The following CDH4 variants were observed in gnomAD, a reference collection of about 807,000 sequenced individuals.
The protein encoded by CDH4 is cadherin-4.
In CDH4, 33 loss-of-function variants were observed where a neutral mutation model predicts 86.0. The observed-to-expected ratio is 0.38, with a 90% confidence interval of 0.29 to 0.51. The LOEUF is 0.51. Ranked by LOEUF, CDH4 falls within the 20% of genes least tolerant of loss-of-function variation. The pLI, the probability that CDH4 is intolerant of heterozygous loss-of-function variation, is 0.86. For missense variants in CDH4, 1,114 were observed against 1,307.4 expected (o/e 0.85, Z 2.28); for synonymous variants, 555 against 549.4 (o/e 1.01, Z -0.14).
intron 3 of CDH4, among the ~76,000 whole-genome samples, chr20:61,764,120 C>T (rs1007548190): frequency 3.3e-5 from 5 of 152,152 alleles, no homozygotes; most frequent in Non-Finnish European, 7.4e-5. Flanking sequence ...AAGACCCAGG[C>T]GGGGAGCAGG....
At chr20:61,580,775 G>A (rs1361135841) in intron 2 of CDH4, among the ~76,000 whole-genome samples, 1 of 152,278 alleles carries the variant, frequency 6.6e-6, no homozygotes, top group East Asian at 1.9e-4. Context: ...ATTAGCAATG[G>A]GTGGCGCCTA....
At chr20:61,410,698 T>G (rs1189885042) in intron 2 of CDH4, among the ~76,000 whole-genome samples, 1 of 151,864 alleles carries the variant, frequency 6.6e-6, no homozygotes, top group Non-Finnish European at 1.5e-5. Context: ...CATCTGTTTA[T>G]CCAGTCATCC....
chr20:61,854,478 G>A (rs11906282), intron 6 of CDH4, among the ~76,000 whole-genome samples: 6,633 of 146,302 alleles, frequency 0.045, 407 homozygotes, highest in African/African-American at 0.17. Context: ...CAGGGCTGCA[G>A]TGTGAACAGG....
chr20:61,937,060 G>A lies in CDH4; in HGVS notation c.*117G>A. On this transcript the variant is annotated 3_prime_UTR_variant, in exon 16 of 16. Coordinates refer to ENST00000614565, the MANE Select transcript of CDH4 (RefSeq NM_001794.5). ...GCGGCTGTGTCCTTAGTGCTGTTAG[G>A]AGGCCCCCCAATCCCCACGTTGAGC... 1 of 822,056 alleles carries A rather than the reference G, an allele frequency of 1.2e-6. No homozygotes were observed. Among genetic ancestry groups the A allele is most frequent in the Non-Finnish European group, 1.8e-6 (1 of 562,344 alleles). The allele number at this position is 822,056 out of a possible 1,614,324, so 50.9% of individuals were successfully genotyped here. A position where few individuals can be genotyped will look rare whatever the true frequency, so the allele number is the denominator to read the frequency against.
chr20:61,580,018 G>A (rs528898894), intron 2 of CDH4, among the ~76,000 whole-genome samples: 1 of 152,052 alleles, frequency 6.6e-6, no homozygotes, highest in East Asian at 1.9e-4. Context: ...CCAGTCACAT[G>A]TTTATCAGCT....
intron 2 of CDH4, among the ~76,000 whole-genome samples, chr20:61,317,666 C>T (rs544082567): frequency 1.3e-5 from 2 of 152,250 alleles, no homozygotes; most frequent in South Asian, 4.1e-4. Flanking sequence ...CTGGTAGCAC[C>T]CCTCCCCTAG....
chr20:61,562,681 T>C (rs1416495925), intron 2 of CDH4, among the ~76,000 whole-genome samples: 1 of 152,254 alleles, frequency 6.6e-6, no homozygotes, highest in Non-Finnish European at 1.5e-5. Flanking sequence ...AACAGAGCAA[T>C]ACAGGAGTCT....
intron 2 of CDH4, among the ~76,000 whole-genome samples, chr20:61,317,733 C>T (rs188622621): frequency 5.3e-5 from 8 of 151,986 alleles, no homozygotes; most frequent in Admixed American, 3.9e-4. Context: ...GAGCAGGGAC[C>T]CCCTTTCCAC....
chr20:61,502,275 C>G (rs994377047), intron 2 of CDH4, among the ~76,000 whole-genome samples: 4 of 152,182 alleles, frequency 2.6e-5, no homozygotes, highest in African/African-American at 9.7e-5. Flanking sequence ...CTGTAAGGTG[C>G]TTTTCCCATC....
intron 4 of CDH4, among the ~76,000 whole-genome samples, chr20:61,777,641 T>TGCGC (rs2088857367): frequency 3.9e-5 from 4 of 103,362 alleles, no homozygotes; most frequent in African/African-American, 9.8e-5. Flanking sequence ...AACACACGTC[T>TGCGC]ACACACGCAC....
At chr20:61,464,749 C>G (rs1316414482) in intron 2 of CDH4, among the ~76,000 whole-genome samples, 2 of 152,130 alleles carry the variant, frequency 1.3e-5, no homozygotes, top group African/African-American at 4.8e-5. Flanking sequence ...CTAGCAGAGC[C>G]CAGGTCCCCT....
intron 2 of CDH4, among the ~76,000 whole-genome samples, chr20:61,524,507 C>T (rs950416914): frequency 3.4e-5 from 5 of 149,242 alleles, no homozygotes; most frequent in African/African-American, 1.2e-4. Flanking sequence ...TTTTTTAAGA[C>T]AGAGTCTCAC....
At chr20:61,835,498 G>A (rs150303891) in intron 4 of CDH4, among the ~76,000 whole-genome samples, 89 of 152,278 alleles carry the variant, frequency 5.8e-4, no homozygotes, top group African/African-American at 2.0e-3. Flanking sequence ...TCATGAGGTC[G>A]GCTTCTTTGC....
chr20:61,390,313 C>A (rs2084975739), intron 2 of CDH4, among the ~76,000 whole-genome samples: 1 of 143,912 alleles, frequency 6.9e-6, no homozygotes, highest in African/African-American at 2.7e-5. Context: ...TGAGATCGTG[C>A]AGTCATAGGG....
rs1415848604 is a variant in CDH4, at chr20:61,417,756, G to T, written c.169+162819G>T. On this transcript the variant is annotated intron_variant, in intron 2 of 15. Transcript: ENST00000614565. The surrounding 1 kb of genome is among the most constrained non-coding windows in gnomAD (Gnocchi z 4.0). The stretch of plus-strand genomic sequence containing the variant: ...GGCGGGAAGTGGGCACAGGAGCCTT[G>T]ACCTGACAAGGTCCTCGAGGCCAGG... Among the ~76,000 whole-genome samples, 3 of 152,126 alleles carry T rather than the reference G, an allele frequency of 2.0e-5. No individual in the cohort carries two copies. The highest frequency in any genetic ancestry group is 4.4e-5 in the Non-Finnish European group (3 of 68,034).
At chr20:61,838,547 C>T (rs1157789581) in intron 4 of CDH4, among the ~76,000 whole-genome samples, 2 of 152,094 alleles carry the variant, frequency 1.3e-5, no homozygotes, top group African/African-American at 2.4e-5. Context: ...CACGGTGGCT[C>T]ACACCTGTAA....
intron 2 of CDH4, among the ~76,000 whole-genome samples, chr20:61,498,956 G>A (rs2085681137): frequency 3.9e-5 from 6 of 152,172 alleles, no homozygotes; most frequent in Admixed American, 3.9e-4. Flanking sequence ...CTCGGAATGA[G>A]TCTCCTTCCA....
Position 61,282,541 on chromosome 20 carries a change from GTGTGCA to G in CDH4, c.169+27609_169+27614del, listed in dbSNP as rs1173903687. On this transcript the variant is annotated intron_variant, in intron 2 of 15. Transcript: ENST00000614565. ...CCACTTTTAATCTTTGGCATGGTGTGTGTGCATGTGTGTGTGTGTGTGTGTGTGTGT... is the reference window on the plus strand; with the variant it reads ...CCACTTTTAATCTTTGGCATGGTGTGTGTGTGTGTGTGTGTGTGTGTGTGT... 8.6e-3 allele frequency among the ~76,000 whole-genome samples: 461 copies of G among 53,448 alleles called. 8 individuals carry two copies. In the South Asian group the frequency reaches 0.15, roughly 18 times the overall value. The allele number at this position is 53,448 out of a possible 152,430, so 35.1% of individuals were successfully genotyped here.
chr20:61,264,238 G>A (rs1000005634), intron 2 of CDH4, among the ~76,000 whole-genome samples: 3 of 152,126 alleles, frequency 2.0e-5, no homozygotes, highest in African/African-American at 7.2e-5. Flanking sequence ...CACACTGTGC[G>A]GTGACCTTCA....
Sources: gnomAD v4.1 joint callset for allele counts (sites outside exome capture counted in the v4.1 genomes callset) on GRCh38, gnomAD v4.1.1 for gene constraint, Gnocchi (gnomAD v3.1) non-coding constraint, MANE v1.5 for transcripts, NCBI Gene and HGNC (gene_info 2026-07-23, HGNC 2026-07-21) for gene names.